The following TPO variants were observed in gnomAD, a reference collection of about 807,000 sequenced individuals.
The protein encoded by TPO is thyroid microsomal antigen.
TPO carries 78 observed loss-of-function variants against 96.9 expected under a neutral mutation model. The observed-to-expected ratio is 0.81, with a 90% CI of 0.67 to 0.97. The LOEUF (loss-of-function observed/expected upper bound fraction) is 0.97, where lower values mean the gene tolerates loss of function less well. TPO is among the 50% of genes least tolerant of loss of function. TPO has a pLI of 0.00. For missense variants in TPO, 1,252 were observed against 1,274.8 expected (o/e 0.98, Z 0.27); for synonymous variants, 547 against 538.0 (o/e 1.02, Z -0.23).
chr2:1,500,131 GT>G (rs534408763), intron 13 of TPO, among the ~76,000 whole-genome samples: 1 of 152,010 alleles, frequency 6.6e-6, no homozygotes, highest in Non-Finnish European at 1.5e-5. Flanking sequence ...ATCTGTTCGG[GT>G]TTTTTTTAAA....
At chr2:1,393,690 G>T (rs1662038830) in intron 1 of TPO, among the ~76,000 whole-genome samples, 1 of 152,070 alleles carries the variant, frequency 6.6e-6, no homozygotes, top group Admixed American at 6.6e-5. Flanking sequence ...TAGATATACA[G>T]GAAATAAAAA....
At chr2:1,512,398 C>G (rs1406905662) in intron 14 of TPO, 2 of 985,342 alleles carry the variant, frequency 2.0e-6, no homozygotes, top group African/African-American at 1.7e-5. Context: ...CAGATCCTGC[C>G]CCCGCCAAGG....
At chr2:1,517,287 T>G (rs954270729) in intron 15 of TPO, among the ~76,000 whole-genome samples, 5 of 152,198 alleles carry the variant, frequency 3.3e-5, no homozygotes. Context: ...AGTCTCTTGT[T>G]AGGAGTAAAG....
intron 1 of TPO, among the ~76,000 whole-genome samples, chr2:1,414,205 C>T (rs564981347): frequency 6.6e-6 from 1 of 152,308 alleles, no homozygotes; most frequent in East Asian, 1.9e-4. Flanking sequence ...GGGAGGCCTG[C>T]TCAGCGCTGC....
At chr2:1,541,629 C>G (rs545685136) in intron 16 of TPO, 1 of 152,242 alleles carries the variant, frequency 6.6e-6, no homozygotes, top group Non-Finnish European at 1.5e-5. Flanking sequence ...AGTGCTGGGA[C>G]CACAGCCACC....
At chr2:1,457,324 C>CAT (rs879025673) in intron 7 of TPO, among the ~76,000 whole-genome samples, 1 of 103,686 alleles carries the variant, frequency 9.6e-6, no homozygotes, top group African/African-American at 3.6e-5. Flanking sequence ...TGTGGGTACA[C>CAT]ATATATATAG....
chr2:1,377,732 C>T (rs777281028), intron 1 of TPO, among the ~76,000 whole-genome samples: 2 of 152,148 alleles, frequency 1.3e-5, no homozygotes, highest in African/African-American at 2.4e-5. Context: ...TGCAGGCCAG[C>T]GGCTGGCAGG....
At chr2:1,504,171 C>T in intron 14 of TPO, 92 bp downstream of exon 14, 2 of 1,594,646 alleles carry the variant, frequency 1.3e-6, no homozygotes, top group African/African-American at 1.3e-5. Flanking sequence ...TGTCAATCAC[C>T]ATCTTGATTG....
chr2:1,394,374 C>T (rs1281396816), intron 1 of TPO, among the ~76,000 whole-genome samples: 2 of 152,186 alleles, frequency 1.3e-5, no homozygotes, highest in African/African-American at 2.4e-5. Flanking sequence ...GCTTCGATGC[C>T]GCCTGCACTG....
intron 4 of TPO, among the ~76,000 whole-genome samples, chr2:1,435,960 G>T (rs906988302): frequency 6.6e-6 from 1 of 152,134 alleles, no homozygotes; most frequent in African/African-American, 2.4e-5. Flanking sequence ...AAAGTTACTT[G>T]CTGGCTTATC....
rs1175143147 is a variant in TPO, at chr2:1,537,724, A to G, written c.2619-2870A>G. ...ATCCCAACTGTGAGCGACCTCCCCA[A>G]ATCCCCCAACTGTCTGCAAACTCCC... On this transcript the variant is annotated intron_variant, in intron 15 of 16. Transcript: ENST00000329066. Among the ~76,000 whole-genome samples the G allele has an allele frequency of 5.6e-4, 50 of 89,024 alleles. 1 individual carries two copies. The highest frequency in any genetic ancestry group is 1.8e-3 in the African/African-American group (41 of 22,564). 58.4% of individuals were successfully genotyped at this position (89,024 alleles called of 152,430 possible).
chr2:1,477,842 G>A (rs1670130874), intron 8 of TPO: 3 of 985,414 alleles, frequency 3.0e-6, no homozygotes, highest in Non-Finnish European at 3.6e-6. Flanking sequence ...GGGTAACTCC[G>A]GAGCTGGCGG....
chr2:1,509,945 C>G (rs889368118), intron 14 of TPO, among the ~76,000 whole-genome samples: 1 of 151,844 alleles, frequency 6.6e-6, no homozygotes, highest in Non-Finnish European at 1.5e-5. Flanking sequence ...CACACCCCCC[C>G]TCTTCTTTCA....
rs1553322901 is a variant in TPO, at chr2:1,496,361, G to GGGGCGGGGCA, written c.2215+168_2215+169insGGGGCAGGGC. On this transcript the variant is annotated intron_variant, in intron 12 of 16. Coordinates refer to ENST00000329066, the MANE Select transcript of TPO (RefSeq NM_001206744.2). ...CTCCTGGGGCGGGGCGGGGCGGGGC[G>GGGGCGGGGCA]GGGCCCTTCTCTAGTGAGAAAGGAA... 6.9e-4 allele frequency among the ~76,000 whole-genome samples: 105 copies of GGGGCGGGGCA among 151,716 alleles called. 1 individual carries two copies. The South Asian group carries it at 0.015, about 21-fold the overall frequency.
chr2:1,444,353 G>T (rs376632356), intron 5 of TPO, among the ~76,000 whole-genome samples: 1 of 127,198 alleles, frequency 7.9e-6, no homozygotes, highest in African/African-American at 3.0e-5. Flanking sequence ...AGGAGGCACC[G>T]TGTTGGAAGG....
upstream of TPO, among the ~76,000 whole-genome samples, chr2:1,410,103 C>T (rs576147174): frequency 6.6e-6 from 1 of 151,962 alleles, no homozygotes. Context: ...ATTTGAAAAT[C>T]GCTAGGAGAA....
chr2:1,425,240 C>T (rs1337806199), intron 3 of TPO, among the ~76,000 whole-genome samples: 1 of 150,910 alleles, frequency 6.6e-6, no homozygotes, highest in South Asian at 2.1e-4. Flanking sequence ...TGAGTTCGAT[C>T]ATTTCATATT....
intron 7 of TPO, among the ~76,000 whole-genome samples, chr2:1,474,300 G>A (rs1288181949): frequency 2.0e-5 from 3 of 152,060 alleles, no homozygotes; most frequent in Non-Finnish European, 4.4e-5. Flanking sequence ...TCTCCAACAC[G>A]GAACCATTCT....
At chr2:1,538,030 TC>T (rs1476871670) in intron 15 of TPO, among the ~76,000 whole-genome samples, 1 of 67,310 alleles carries the variant, frequency 1.5e-5, no homozygotes, top group East Asian at 4.2e-4. Flanking sequence ...CCACCTCAAG[TC>T]CCCCCACTGT....
Sources: allele counts gnomAD v4.1 joint callset (sites outside exome capture counted in the v4.1 genomes callset), GRCh38; gene constraint gnomAD v4.1.1; transcripts MANE v1.5; gene names NCBI Gene and HGNC (gene_info 2026-07-23, HGNC 2026-07-21).